Variants in DMBT1 observed in about 807,000 individuals in gnomAD.
DMBT1 encodes deleted in malignant brain tumors 1.
Under a neutral mutation model 252.9 loss-of-function variants are expected in DMBT1, and 198 were observed. That is an observed-to-expected ratio of 0.78 (90% CI 0.70 to 0.88). The LOEUF is 0.88. Among genes scored for constraint, DMBT1 ranks in the 40% least tolerant of loss-of-function variants. DMBT1 has a pLI of 0.00. For synonymous variants in DMBT1, 990 were observed against 942.7 expected (o/e 1.05, Z -0.92); for missense variants, 2,432 against 2,404.7 (o/e 1.01, Z -0.24).
intron 1 of DMBT1, among the ~76,000 whole-genome samples, chr10:122,561,560 G>C (rs11499291): frequency 0.71 from 102,103 of 144,450 alleles, 34,900 homozygotes; most frequent in South Asian, 0.82. Context: ...CTCTCTTCCT[G>C]TCTCTCTGCC....
rs760031487 is a variant in DMBT1, at chr10:122,572,303, C to T, written c.188-11C>T. ...TACCATCAATGAGCTCTTCCTTTCT[C>T]CACCCTGCAGGTTCTCCGATTTCCT... On this transcript the variant is annotated splice_polypyrimidine_tract_variant and intron_variant, in intron 4 of 55. Transcript: ENST00000338354. 8.1e-6 allele frequency: 13 copies of T among 1,613,166 alleles called. No individual in the cohort carries two copies. Among genetic ancestry groups the T allele is most frequent in the Non-Finnish European group, 1.0e-5 (12 of 1,179,388 alleles).
intron 2 of DMBT1, among the ~76,000 whole-genome samples, chr10:122,568,218 A>G (rs892385352): frequency 3.3e-5 from 5 of 152,254 alleles, no homozygotes; most frequent in African/African-American, 1.2e-4. Flanking sequence ...GAGCATGATG[A>G]CATCCTTAAT....
Position 122,639,962 on chromosome 10 carries a change from T to C in DMBT1, c.6943-78T>C, listed in dbSNP as rs962185766. On this transcript the variant is annotated intron_variant, in intron 54 of 55. Coordinates refer to ENST00000338354, the MANE Select transcript of DMBT1 (RefSeq NM_001377530.1). ...GTCTTGTTGAGTCACGTCCCTCTCA[T>C]TCACACCCAAATCAGCTATGGGATT... 7 of 1,521,154 alleles carry C rather than the reference T, an allele frequency of 4.6e-6. No homozygotes were observed. The African/African-American group carries it at 9.6e-5, about 21-fold the overall frequency. The allele number at this position is 1,521,154 out of a possible 1,614,324, so 94.2% of individuals were successfully genotyped here.
chr10:122,561,752 C>T (rs1333463742), intron 1 of DMBT1, among the ~76,000 whole-genome samples: 1 of 151,830 alleles, frequency 6.6e-6, no homozygotes, highest in African/African-American at 2.4e-5. Flanking sequence ...GTTTCTGCCT[C>T]TGCCTTTCTC....
chr10:122,627,599 TAA>T (rs1452240123), intron 46 of DMBT1, among the ~76,000 whole-genome samples: 85 of 152,234 alleles, frequency 5.6e-4, no homozygotes, highest in Admixed American at 5.6e-3. Context: ...TTTATAATGT[TAA>T]GTGACTATAT....
chr10:122,561,530 TCA>T lies in DMBT1; in HGVS notation c.61+700_61+701del, dbSNP rs2097545616. 2.6e-5 allele frequency among the ~76,000 whole-genome samples: 4 copies of T among 151,878 alleles called. No individual in the cohort carries two copies. The South Asian group carries it at 8.4e-4, about 32-fold the overall frequency. ...GAGATACTAGAGGAACAAGTGATTC[TCA>T]GTTTGCCTATTTTGTCTCTCTCTTC... On this transcript the variant is annotated intron_variant, in intron 1 of 55. Transcript: ENST00000338354.
At chr10:122,585,950 T>G in intron 15 of DMBT1, 110 bp from the exon 16 acceptor site, 1 of 1,541,398 alleles carries the variant, frequency 6.5e-7, no homozygotes, top group Non-Finnish European at 8.8e-7. Flanking sequence ...CAAAGGTGAC[T>G]GCCTGCCCAG....
chr10:122,626,073 A>T, intron 46 of DMBT1, 108 bp downstream of exon 46: 1 of 890,160 alleles, frequency 1.1e-6, no homozygotes, highest in South Asian at 1.3e-5. Flanking sequence ...CTCAATCTGC[A>T]CATAGCCCTG....
chr10:122,618,381 G>A (rs1367531773), intron 41 of DMBT1, 41 bp downstream of exon 41: 3 of 1,613,352 alleles, frequency 1.9e-6, no homozygotes, highest in Admixed American at 3.3e-5. Context: ...TTAAGTTGAA[G>A]TTTGCTCAGG....
intron 4 of DMBT1, 122 bp from the exon 5 acceptor site, chr10:122,572,192 C>A: frequency 7.4e-7 from 1 of 1,359,056 alleles, no homozygotes; most frequent in Non-Finnish European, 1.0e-6. Flanking sequence ...TGGCTTTTAG[C>A]AATGGAGGTT....
chr10:122,624,879 AGT>A (rs1032699736), intron 44 of DMBT1, among the ~76,000 whole-genome samples: 1 of 148,484 alleles, frequency 6.7e-6, no homozygotes, highest in African/African-American at 2.5e-5. Context: ...CCTCTATTTT[AGT>A]GTGTGGTTTT....
intron 9 of DMBT1, among the ~76,000 whole-genome samples, chr10:122,579,077 A>T (rs1319831118): frequency 1.3e-5 from 2 of 152,160 alleles, no homozygotes; most frequent in South Asian, 2.1e-4. Flanking sequence ...TAGATGTGAT[A>T]TTGGAGGGTG....
intron 46 of DMBT1, among the ~76,000 whole-genome samples, chr10:122,626,654 C>G (rs2098121133): frequency 6.6e-6 from 1 of 152,142 alleles, no homozygotes. Context: ...AAACTACCAT[C>G]AAGAATGGTT....
intron 4 of DMBT1, among the ~76,000 whole-genome samples, chr10:122,571,610 T>C (rs2097664642): frequency 6.6e-6 from 1 of 152,240 alleles, no homozygotes; most frequent in Non-Finnish European, 1.5e-5. Context: ...TTTGTTCACA[T>C]AGTGCCAGGA....
At position 122,643,218 on chromosome 10, in the gene DMBT1, C is replaced by G; in HGVS notation, c.7449C>G (p.Pro2483=). ...FRAFHFLNRF[P]SVYLRCKMVV... is the part of the protein sequence containing the mutation. The stretch of plus-strand genomic sequence containing the variant: ...CCTTCCACTTCCTGAACCGCTTCCC[C>G]TCCGTGTACCTGCGTTGTAAAATGG... The change falls in exon 56 of 56, where the codon CCC becomes CCG. Residue 2483 remains proline, a synonymous_variant. Coordinates refer to ENST00000338354, the MANE Select transcript of DMBT1 (RefSeq NM_001377530.1). The G allele has an allele frequency of 6.2e-7, 1 of 1,613,978 alleles. No homozygotes were observed. Among genetic ancestry groups the G allele is most frequent in the Non-Finnish European group, 8.5e-7 (1 of 1,179,870 alleles).
rs763168115 is a variant in DMBT1, at chr10:122,579,875, G to A, written c.977G>A (p.Ser326Asn). ...NGWLTHNCGH[S>N]EDAGVICSAP... ...TGGCTCACCCACAACTGTGGCCATA[G>A]TGAAGACGCTGGTGTCATCTGCTCA... The change falls in exon 10 of 56, where the codon AGT becomes AAT. Residue 326 changes from serine (S) to asparagine (N), a missense_variant. Ser to Asn is a conservative substitution (Grantham distance 46, BLOSUM62 1). Around this residue, in one of 3 missense-constraint regions of DMBT1, gnomAD observed 1,264 missense variants for 1,082.2 expected, o/e 1.17. Transcript: ENST00000338354. 43 of 1,613,864 alleles carry A rather than the reference G, an allele frequency of 2.7e-5. No individual in the cohort carries two copies. In the South Asian group the frequency reaches 2.7e-4, roughly 10 times the overall value.
At chr10:122,642,180 A>AAAAC (rs1555041930) in intron 55 of DMBT1, among the ~76,000 whole-genome samples, 1 of 151,510 alleles carries the variant, frequency 6.6e-6, no homozygotes, top group African/African-American at 2.4e-5. Flanking sequence ...ACTGTGAAAA[A>AAAAC]AAAAACAAAA....
At chr10:122,577,465 T>G (rs2133546470) in intron 7 of DMBT1, among the ~76,000 whole-genome samples, 1 of 152,300 alleles carries the variant, frequency 6.6e-6, no homozygotes, top group East Asian at 1.9e-4. Flanking sequence ...AACCTCAGAC[T>G]CATCGCAGCT....
At chr10:122,599,128 T>A in intron 26 of DMBT1, 31 bp downstream of exon 26, 1 of 1,613,740 alleles carries the variant, frequency 6.2e-7, no homozygotes, top group African/African-American at 1.3e-5. Flanking sequence ...GATCACTCTC[T>A]TGGGGTGGAG....
Sources: gnomAD v4.1 joint callset for allele counts (sites outside exome capture counted in the v4.1 genomes callset) on GRCh38, gnomAD v4.1.1 for gene constraint, gnomAD v4.1.1 regional missense constraint, MANE v1.5 for transcripts, NCBI Gene and HGNC (gene_info 2026-07-23, HGNC 2026-07-21) for gene names.